The following IPO9 variants were observed in gnomAD, a reference collection of about 807,000 sequenced individuals.
The protein encoded by IPO9 is importin 9, also known as importin-9.
A neutral mutation model predicts 128.6 loss-of-function variants in IPO9; 28 were observed. The ratio of observed to expected loss-of-function variants is 0.22; its 90% confidence interval spans 0.16 to 0.30. IPO9 has a LOEUF of 0.30. Among genes scored for constraint, IPO9 ranks in the 10% least tolerant of loss-of-function variants. The probability of loss-of-function intolerance (pLI) is 1.00; values close to 1 mark genes in which losing one functional copy is unlikely to be tolerated. For synonymous variants in IPO9, 455 were observed against 475.8 expected (o/e 0.96, Z 0.57); for missense variants, 935 against 1,293.9 (o/e 0.72, Z 4.26).
intron 11 of IPO9, 125 bp from the exon 12 acceptor site, chr1:201,858,322 G>A: frequency 2.0e-6 from 1 of 499,172 alleles, no homozygotes; most frequent in South Asian, 5.0e-5. Flanking sequence ...AATACAATTA[G>A]GGGTTTGCAC....
At chr1:201,848,988 A>G (rs985566954) in intron 4 of IPO9, among the ~76,000 whole-genome samples, 2 of 152,184 alleles carry the variant, frequency 1.3e-5, no homozygotes, top group Non-Finnish European at 2.9e-5. Flanking sequence ...TAGCTAATCT[A>G]TCTTTATTGA....
At chr1:201,873,614 G>A (rs1357805121) in intron 20 of IPO9, among the ~76,000 whole-genome samples, 2 of 151,866 alleles carry the variant, frequency 1.3e-5, no homozygotes, top group African/African-American at 4.8e-5. Flanking sequence ...AGGCATGGTG[G>A]CGCATGCCTG....
chr1:201,846,652 C>T (rs1181048465), intron 1 of IPO9, among the ~76,000 whole-genome samples: 1 of 152,072 alleles, frequency 6.6e-6, no homozygotes, highest in Admixed American at 6.6e-5. Context: ...GGATTATAGG[C>T]ATGAGCCACT....
chr1:201,843,743 G>A (rs1211385013), intron 1 of IPO9, among the ~76,000 whole-genome samples: 2 of 151,070 alleles, frequency 1.3e-5, no homozygotes, highest in Admixed American at 6.6e-5. Flanking sequence ...CACAAGAATC[G>A]CTTGAACCCA....
At chr1:201,832,250 G>T (rs1396147419) in intron 1 of IPO9, among the ~76,000 whole-genome samples, 1 of 140,220 alleles carries the variant, frequency 7.1e-6, no homozygotes, top group Admixed American at 7.2e-5. Flanking sequence ...CTGATTCTAG[G>T]AAACACTTTT....
At chr1:201,848,655 A>G (rs1680162487) in intron 4 of IPO9, 61 bp downstream of exon 4, 2 of 1,537,242 alleles carry the variant, frequency 1.3e-6, no homozygotes, top group Admixed American at 1.7e-5. Context: ...GAGTATTACC[A>G]GAAGCTATGT....
At chr1:201,867,609 T>TA (rs149702706) in intron 15 of IPO9, among the ~76,000 whole-genome samples, 3,683 of 151,232 alleles carry the variant, frequency 0.024, 142 homozygotes, top group African/African-American at 0.081. Flanking sequence ...AGGTATGTTT[T>TA]AAAAAAAAAT....
chr1:201,863,320 C>T (rs997822080), intron 13 of IPO9, 128 bp from the exon 14 acceptor site: 7 of 922,750 alleles, frequency 7.6e-6, no homozygotes, highest in Non-Finnish European at 1.1e-5. Context: ...CCATCGCACT[C>T]CATCCTGGGT....
chr1:201,848,162 T>C (rs908576143), intron 3 of IPO9, among the ~76,000 whole-genome samples: 1 of 152,244 alleles, frequency 6.6e-6, no homozygotes, highest in Non-Finnish European at 1.5e-5. Context: ...ATTTTAAATT[T>C]TTTAAAATGT....
At chr1:201,831,194 T>C (rs1284011547) in intron 1 of IPO9, among the ~76,000 whole-genome samples, 1 of 152,152 alleles carries the variant, frequency 6.6e-6, no homozygotes, top group African/African-American at 2.4e-5. Flanking sequence ...AGTGAAAAAT[T>C]AAATTTCAGA....
intron 14 of IPO9, 116 bp downstream of exon 14, chr1:201,863,723 A>G (rs1288000361): frequency 1.7e-5 from 16 of 960,186 alleles, no homozygotes; most frequent in Admixed American, 5.0e-5. Flanking sequence ...GATATCCTTC[A>G]GGGTGAATGT....
At chr1:201,846,174 T>TA (rs1197927819) in intron 1 of IPO9, among the ~76,000 whole-genome samples, 1 of 152,218 alleles carries the variant, frequency 6.6e-6, no homozygotes, top group Non-Finnish European at 1.5e-5. Flanking sequence ...AAGAGTTACT[T>TA]ACAGCCTCCC....
intron 18 of IPO9, 94 bp from the exon 19 acceptor site, chr1:201,871,067 A>T: frequency 7.5e-7 from 1 of 1,335,098 alleles, no homozygotes; most frequent in Non-Finnish European, 1.0e-6. Context: ...CCCTCAGTGT[A>T]GACTGTATTT....
intron 4 of IPO9, chr1:201,850,754 A>G (rs563776842): frequency 6.6e-6 from 1 of 152,230 alleles, no homozygotes; most frequent in Non-Finnish European, 1.5e-5. Flanking sequence ...TATGCCATCT[A>G]TCATATTTGT....
intron 1 of IPO9, among the ~76,000 whole-genome samples, chr1:201,839,063 G>A (rs950476980): frequency 2.1e-5 from 3 of 145,814 alleles, no homozygotes; most frequent in African/African-American, 7.7e-5. Flanking sequence ...GGGACTACAG[G>A]CGCCCGCCAC....
At chr1:201,872,630 C>CAAAAAA (rs1198930769) in intron 19 of IPO9, among the ~76,000 whole-genome samples, 198 bp from the exon 20 acceptor site, 21 of 151,048 alleles carry the variant, frequency 1.4e-4, no homozygotes, top group African/African-American at 4.6e-4. Context: ...ACAACAACAA[C>CAAAAAA]AAAAAAGCAC....
At position 201,881,910 on chromosome 1, in the gene IPO9, TAA is replaced by T. The variant is rs1680889005; in HGVS notation, c.*5858_*5859del. ...TTGACAAGATAAAGTCAGTAGGACT[TAA>T]AGACTGACAAGTAAGGATTTTCCAA... is the stretch of plus-strand genomic sequence containing the variant. On this transcript the variant is annotated 3_prime_UTR_variant, in exon 24 of 24. Coordinates refer to ENST00000361565, the MANE Select transcript of IPO9 (RefSeq NM_018085.5). 2.0e-5 allele frequency: 3 copies of T among 152,192 alleles called. No homozygotes were observed. Among genetic ancestry groups the T allele is most frequent in the African/African-American group, 4.8e-5 (2 of 41,430 alleles). The allele number at this position is 152,192 out of a possible 1,614,324, so 9.4% of individuals were successfully genotyped here.
At chr1:201,862,569 G>A (rs1417908744) in intron 13 of IPO9, among the ~76,000 whole-genome samples, 1 of 152,112 alleles carries the variant, frequency 6.6e-6, no homozygotes, top group Non-Finnish European at 1.5e-5. Context: ...CACTTTTGGA[G>A]GCCAAGGCAG....
At chr1:201,875,799 C>G in intron 23 of IPO9, 145 bp from the exon 24 acceptor site, 1 of 679,972 alleles carries the variant, frequency 1.5e-6, no homozygotes, top group Non-Finnish European at 2.6e-6. Context: ...TAAACTAGAT[C>G]CAAGAACATG....
Sources: gnomAD v4.1 joint callset for allele counts (sites outside exome capture counted in the v4.1 genomes callset) on GRCh38, gnomAD v4.1.1 for gene constraint, MANE v1.5 for transcripts, NCBI Gene and HGNC (gene_info 2026-07-23, HGNC 2026-07-21) for gene names.